TSPAN5: variants seen among roughly 807,000 people sequenced by gnomAD.
TSPAN5 encodes the protein tetraspanin-5.
A neutral mutation model predicts 37.1 loss-of-function variants in TSPAN5; 10 were observed. That is an observed-to-expected ratio of 0.27 (90% confidence interval 0.17 to 0.46). TSPAN5 has a LOEUF of 0.46. TSPAN5 is among the 20% of genes least tolerant of loss of function. The pLI is 1.00. For synonymous variants in TSPAN5, 110 were observed against 118.9 expected, an observed-to-expected ratio of 0.93 and a Z score of 0.48; for missense variants, 195 against 326.6, an observed-to-expected ratio of 0.60 and a Z score of 3.11.
chr4:98,625,758 T>G (rs11942757), intron 1 of TSPAN5, among the ~76,000 whole-genome samples: 8,368 of 152,232 alleles, frequency 0.055, 767 homozygotes, highest in African/African-American at 0.19. Context: ...ATTTATTCAT[T>G]CCTTCTGAAA....
chr4:98,613,484 T>C (rs910234636), intron 1 of TSPAN5, among the ~76,000 whole-genome samples: 12 of 152,300 alleles, frequency 7.9e-5, no homozygotes, highest in Non-Finnish European at 8.8e-5. Context: ...CTAGGCTAGT[T>C]TAGTAGTTGC....
chr4:98,575,338 T>A (rs1300206580), intron 1 of TSPAN5, among the ~76,000 whole-genome samples: 1 of 151,814 alleles, frequency 6.6e-6, no homozygotes, highest in Non-Finnish European at 1.5e-5. Flanking sequence ...GAGCACATAG[T>A]ATATCTCTAA....
chr4:98,563,217 CA>C (rs1434489898), intron 1 of TSPAN5, among the ~76,000 whole-genome samples: 3 of 151,982 alleles, frequency 2.0e-5, no homozygotes, highest in Admixed American at 2.0e-4. Flanking sequence ...AAGGAACTGC[CA>C]GAGCAAGCAG....
intron 2 of TSPAN5, among the ~76,000 whole-genome samples, chr4:98,507,221 C>A (rs1001575000): frequency 1.3e-5 from 2 of 152,100 alleles, no homozygotes; most frequent in Non-Finnish European, 2.9e-5. Context: ...CCACTTCCTT[C>A]AATCCACATG....
At chr4:98,582,392 T>C (rs1206133751) in intron 1 of TSPAN5, among the ~76,000 whole-genome samples, 1 of 152,220 alleles carries the variant, frequency 6.6e-6, no homozygotes, top group Non-Finnish European at 1.5e-5. Flanking sequence ...ACTGAGGTTC[T>C]GTCTAGGATT....
intron 1 of TSPAN5, among the ~76,000 whole-genome samples, chr4:98,590,999 A>G (rs960901441): frequency 2.0e-5 from 3 of 152,036 alleles, no homozygotes; most frequent in Admixed American, 6.5e-5. Flanking sequence ...CAACTTCCCT[A>G]ACTCTTGGTT....
intron 1 of TSPAN5, among the ~76,000 whole-genome samples, chr4:98,630,288 G>T (rs1320951239): frequency 3.3e-5 from 5 of 152,134 alleles, no homozygotes; most frequent in Non-Finnish European, 4.4e-5. Context: ...CATGAGGCCT[G>T]ATGGAGAAAA....
At chr4:98,571,906 CA>C in intron 1 of TSPAN5, among the ~76,000 whole-genome samples, 1 of 152,308 alleles carries the variant, frequency 6.6e-6, no homozygotes. Flanking sequence ...AATGATATTA[CA>C]GTCCGGTGGT....
At position 98,591,893 on chromosome 4, in the gene TSPAN5, A is replaced by C. The variant is rs866421171; in HGVS notation, c.81+66253T>G. ...TAAAATTTATGTGAAAATGGTAAGA[A>C]CCAAAAATAGCCAAAAGAATTTTTA... On this transcript the variant is annotated intron_variant, in intron 1 of 7. Coordinates refer to ENST00000305798, the MANE Select transcript of TSPAN5 (RefSeq NM_005723.4). Among the ~76,000 whole-genome samples the C allele has an allele frequency of 3.8e-4, 57 of 151,964 alleles. 1 individual carries two copies. The highest frequency in any genetic ancestry group is 1.2e-3 in the South Asian group (6 of 4,822).
chr4:98,639,095 A>G (rs1756913254), intron 1 of TSPAN5, among the ~76,000 whole-genome samples: 1 of 152,218 alleles, frequency 6.6e-6, no homozygotes, highest in African/African-American at 2.4e-5. Flanking sequence ...TCAGTAAGAC[A>G]TGCAGGAGCA....
chr4:98,521,107 T>C (rs1216279566), intron 1 of TSPAN5, among the ~76,000 whole-genome samples: 4 of 152,196 alleles, frequency 2.6e-5, no homozygotes, highest in Non-Finnish European at 5.9e-5. Flanking sequence ...AATTTTTGTA[T>C]TTTTAGTAGA....
chr4:98,504,638 C>G (rs962532817), intron 2 of TSPAN5, among the ~76,000 whole-genome samples: 1 of 152,200 alleles, frequency 6.6e-6, no homozygotes, highest in Non-Finnish European at 1.5e-5. Context: ...TTAGAGCAGA[C>G]ACTGTGCTGA....
intron 3 of TSPAN5, chr4:98,484,940 C>T (rs1752928076): frequency 5.5e-6 from 1 of 182,302 alleles, no homozygotes; most frequent in African/African-American, 2.4e-5. Flanking sequence ...TGGTGAAACC[C>T]CATCTCTACT....
chr4:98,526,512 G>C (rs1389871454), intron 1 of TSPAN5, among the ~76,000 whole-genome samples: 1 of 152,196 alleles, frequency 6.6e-6, no homozygotes, highest in Non-Finnish European at 1.5e-5. Flanking sequence ...TTCACAGGTT[G>C]ATAAATGATG....
chr4:98,487,417 G>T (rs761057012), intron 2 of TSPAN5, among the ~76,000 whole-genome samples: 1 of 152,170 alleles, frequency 6.6e-6, no homozygotes, highest in Non-Finnish European at 1.5e-5. Context: ...CCCCAGAGAG[G>T]GGGGAGGTCA....
At chr4:98,642,990 A>G (rs565681945) in intron 1 of TSPAN5, among the ~76,000 whole-genome samples, 1 of 152,172 alleles carries the variant, frequency 6.6e-6, no homozygotes. Context: ...TGTAAATTTA[A>G]TGTAGCCTAA....
At chr4:98,621,364 C>CTTTT (rs59414794) in intron 1 of TSPAN5, among the ~76,000 whole-genome samples, 5 of 102,658 alleles carry the variant, frequency 4.9e-5, no homozygotes, top group African/African-American at 9.0e-5. Context: ...CAATATGTCA[C>CTTTT]TTTTTTTTTT....
chr4:98,509,510 C>G (rs1409938362), intron 1 of TSPAN5, among the ~76,000 whole-genome samples: 3 of 152,204 alleles, frequency 2.0e-5, no homozygotes, highest in African/African-American at 7.2e-5. Context: ...TGAAGCAAGA[C>G]AACACACAAT....
intron 1 of TSPAN5, among the ~76,000 whole-genome samples, chr4:98,599,229 C>T (rs1247248755): frequency 3.3e-5 from 5 of 152,164 alleles, no homozygotes; most frequent in African/African-American, 1.2e-4. Context: ...TAGCCTCCAA[C>T]TCCTGGGCTC....
Sources: gnomAD v4.1 joint callset for allele counts (sites outside exome capture counted in the v4.1 genomes callset) on GRCh38, gnomAD v4.1.1 for gene constraint, MANE v1.5 for transcripts, NCBI Gene and HGNC (gene_info 2026-07-23, HGNC 2026-07-21) for gene names.